Variants in GNL2 observed in about 807,000 individuals in gnomAD.
GNL2 encodes the protein nucleolar GTP-binding protein 2.
GNL2 carries 51 observed loss-of-function variants against 92.3 expected under a neutral mutation model. That is an observed-to-expected ratio of 0.55 (90% CI 0.44 to 0.70). The LOEUF is 0.70. Among genes scored for constraint, GNL2 ranks in the 30% least tolerant of loss-of-function variants. The pLI, the probability that GNL2 is intolerant of heterozygous loss-of-function variation, is 0.00. For missense variants in GNL2, 844 were observed against 895.6 expected (o/e 0.94, Z 0.74); for synonymous variants, 283 against 300.6 (o/e 0.94, Z 0.61).
intron 8 of GNL2, among the ~76,000 whole-genome samples, chr1:37,577,105 C>A (rs1224195796): frequency 2.1e-5 from 3 of 145,930 alleles, no homozygotes; most frequent in Admixed American, 2.1e-4. Flanking sequence ...AGACTCCAGT[C>A]TCAAAAAAAA....
intron 5 of GNL2, among the ~76,000 whole-genome samples, chr1:37,584,934 T>C (rs1643828443): frequency 1.3e-5 from 2 of 151,222 alleles, no homozygotes; most frequent in African/African-American, 2.4e-5. Flanking sequence ...ACAAAAAAAT[T>C]AGCCAGACGT....
In GNL2 at chr1:37,592,742, C is replaced by T; in HGVS notation, c.214G>A (p.Ala72Thr). 6.2e-7 allele frequency: 1 copy of T among 1,605,270 alleles called. No individual in the cohort carries two copies. Among genetic ancestry groups the T allele is most frequent in the Non-Finnish European group, 8.5e-7 (1 of 1,171,992 alleles). The change falls in exon 3 of 16, where the codon GCA becomes ACA. Residue 72 changes from alanine to threonine, a missense_variant. Ala to Thr is a moderately conservative substitution (Grantham distance 58). Coordinates refer to ENST00000373062, the MANE Select transcript of GNL2 (RefSeq NM_013285.3). The part of the protein sequence containing the change: ...YQSTVASGTV[A>T]RVEPNIKWFG... ...CATTTAATATTTGGCTCTACTCTTGCCACTGTGCCAGAAGCCACCGTTGAT... is the reference window on the plus strand; with the variant it reads ...CATTTAATATTTGGCTCTACTCTTGTCACTGTGCCAGAAGCCACCGTTGAT...
Position 37,576,547 on chromosome 1 carries a change from C to T in GNL2, c.919G>A (p.Asp307Asn), listed in dbSNP as rs1374888080. The T allele has an allele frequency of 6.2e-7, 1 of 1,613,746 alleles. No individual in the cohort carries two copies. The highest frequency in any genetic ancestry group is 8.5e-7 in the Non-Finnish European group (1 of 1,179,900). The change falls in exon 9 of 16, where the codon GAC (aspartate) becomes AAC (asparagine). Residue 307 changes from aspartate (D) to asparagine (N), a missense_variant. By Grantham distance (23) the Asp-to-Asn change is conservative (BLOSUM62 1). Transcript: ENST00000373062. ...LLRQFGKLHTDKKQISVGFIG... is the reference protein window; with the variant it reads ...LLRQFGKLHTNKKQISVGFIG... ...AACCCAACACTGATCTGTTTCTTGT[C>T]AGTGTGCAACTGTTCAAAGAGAGAA...
At position 37,583,181 on chromosome 1, in the gene GNL2, T is replaced by C. The variant is rs886453718; in HGVS notation, c.637-245A>G. 4.2e-5 allele frequency: 13 copies of C among 310,390 alleles called. No individual in the cohort carries two copies. In the Admixed American group the frequency reaches 5.7e-4, roughly 14 times the overall value. The allele number at this position is 310,390 out of a possible 1,614,324, so 19.2% of individuals were successfully genotyped here. A position where few individuals can be genotyped will look rare whatever the true frequency, so the allele number is the denominator to read the frequency against. ...ACTAGCTTAGATGAAACTCAACTTA[T>C]TTCCTAACTACTATGGATTATTGAA... is the stretch of plus-strand genomic sequence containing the variant. On this transcript the variant is annotated intron_variant, in intron 6 of 15. Coordinates refer to ENST00000373062, the MANE Select transcript of GNL2 (RefSeq NM_013285.3).
At chr1:37,588,701 A>T (rs1323399661) in intron 4 of GNL2, among the ~76,000 whole-genome samples, 2 of 152,210 alleles carry the variant, frequency 1.3e-5, no homozygotes, top group African/African-American at 4.8e-5. Context: ...GCACATATGC[A>T]AAGTTACAGT....
intron 8 of GNL2, 97 bp from the exon 9 acceptor site, chr1:37,576,653 C>T (rs1351909977): frequency 8.3e-7 from 1 of 1,206,420 alleles, no homozygotes; most frequent in Admixed American, 2.2e-5. Context: ...GAATACAGTG[C>T]AAAACTGTTG....
intron 14 of GNL2, 81 bp downstream of exon 14, chr1:37,568,194 T>C: frequency 2.4e-6 from 2 of 827,144 alleles, no homozygotes; most frequent in Non-Finnish European, 4.1e-6. Context: ...ATGACTGAGA[T>C]AATTTGGAGA....
chr1:37,588,451 C>T (rs1420693819), intron 4 of GNL2, among the ~76,000 whole-genome samples: 2 of 152,156 alleles, frequency 1.3e-5, no homozygotes, highest in African/African-American at 4.8e-5. Context: ...CCCTAACCCA[C>T]AACTCAGTTT....
chr1:37,591,858 T>C (rs186985391), intron 3 of GNL2, among the ~76,000 whole-genome samples: 1 of 152,344 alleles, frequency 6.6e-6, no homozygotes, highest in East Asian at 1.9e-4. Context: ...GGTTTCATCT[T>C]ATTCTCATGT....
chr1:37,590,788 G>A lies in GNL2; in HGVS notation c.302C>T (p.Thr101Ile), dbSNP rs1243541898. 6.3e-5 allele frequency: 101 copies of A among 1,602,252 alleles called. No homozygotes were observed. The highest frequency in any genetic ancestry group is 8.6e-5 in the Non-Finnish European group (101 of 1,173,104). The change falls in exon 4 of 16, where the codon ACA (threonine) becomes ATA (isoleucine). Residue 101 changes from threonine to isoleucine, a missense_variant. Physicochemically the swap from Thr to Ile is moderately conservative, Grantham distance 89 (BLOSUM62 -1). Transcript: ENST00000373062. ...AACTTTGTATGGATCCTTCATAACT[G>A]TATCCATTTCCTCTTGAAATTTTTG... Reference protein sequence around the residue: ...SLQKFQEEMDTVMKDPYKVVM... With the variant: ...SLQKFQEEMDIVMKDPYKVVM...
chr1:37,582,816 C>G lies in GNL2; in HGVS notation c.757G>C (p.Val253Leu). ...GGAACAAGGTCACATTTGTTAAGTA[C>G]AAAAATGAGGTGTTTCCAAGGTTTT... ...KEKPWKHLIF[V>L]LNKCDLVPTW... Residue 253 changes from valine (V) to leucine (L), a missense_variant, in exon 7 of 16, where the codon GTA becomes CTA. Coordinates refer to ENST00000373062, the MANE Select transcript of GNL2 (RefSeq NM_013285.3). The G allele has an allele frequency of 6.2e-7, 1 of 1,613,734 alleles. No individual in the cohort carries two copies. The highest frequency in any genetic ancestry group is 8.5e-7 in the Non-Finnish European group (1 of 1,179,850).
At chr1:37,594,435 C>A (rs1353957424) in intron 1 of GNL2, among the ~76,000 whole-genome samples, 1 of 152,216 alleles carries the variant, frequency 6.6e-6, no homozygotes, top group African/African-American at 2.4e-5. Context: ...CACAGCAATT[C>A]TTGCCTTACA....
intron 15 of GNL2, among the ~76,000 whole-genome samples, chr1:37,567,298 G>A (rs984025803): frequency 7.9e-5 from 12 of 152,166 alleles, no homozygotes; most frequent in African/African-American, 2.2e-4. Flanking sequence ...GCTGAGTGCT[G>A]CTAACCACTC....
intron 8 of GNL2, 35 bp from the exon 9 acceptor site, chr1:37,576,591 A>G: frequency 1.2e-6 from 2 of 1,603,696 alleles, no homozygotes; most frequent in Middle Eastern, 1.7e-4. Flanking sequence ...ACATACATGC[A>G]GTCATATATA....
chr1:37,593,765 C>A lies in GNL2; in HGVS notation c.146G>T (p.Arg49Leu). The A allele has an allele frequency of 6.2e-7, 1 of 1,611,388 alleles. No homozygotes were observed. Among genetic ancestry groups the A allele is most frequent in the Non-Finnish European group, 8.5e-7 (1 of 1,177,554 alleles). Residue 49 changes from arginine to leucine, a missense_variant, in exon 2 of 16, where the codon CGC becomes CTC. Physicochemically the swap from Arg to Leu is moderately radical, Grantham distance 102. Coordinates refer to ENST00000373062, the MANE Select transcript of GNL2 (RefSeq NM_013285.3). ...RRLNMYRQKE[R>L]RNSRGKIIKP... is the part of the protein sequence containing the mutation. Reference sequence around the variant, plus strand: ...GATGACAGCACCCAGTGCTCACCTGCGCTCCTTTTGCCTATACATATTCAG... The same window carrying A: ...GATGACAGCACCCAGTGCTCACCTGAGCTCCTTTTGCCTATACATATTCAG...
chr1:37,587,562 C>T (rs905818200), intron 4 of GNL2, 67 bp from the exon 5 acceptor site: 9 of 1,010,934 alleles, frequency 8.9e-6, no homozygotes, highest in African/African-American at 1.6e-5. Flanking sequence ...AAGCTCAACA[C>T]CCACCTAGGA....
At chr1:37,569,395 C>A in intron 12 of GNL2, 93 bp from the exon 13 acceptor site, 1 of 806,472 alleles carries the variant, frequency 1.2e-6, no homozygotes, top group Non-Finnish European at 1.9e-6. Flanking sequence ...CAGTCCTCTT[C>A]TCAGGACTAA....
intron 3 of GNL2, among the ~76,000 whole-genome samples, 163 bp downstream of exon 3, chr1:37,592,549 T>C (rs980997488): frequency 6.6e-6 from 1 of 152,206 alleles, no homozygotes; most frequent in African/African-American, 2.4e-5. Flanking sequence ...ATTTATTAAA[T>C]TGACCACCAC....
At chr1:37,568,179 T>C in intron 14 of GNL2, 96 bp downstream of exon 14, 1 of 741,288 alleles carries the variant, frequency 1.3e-6, no homozygotes, top group Non-Finnish European at 2.4e-6. Context: ...CAAACATTTA[T>C]GTGGATGACT....
Sources: gnomAD v4.1 joint callset for allele counts (sites outside exome capture counted in the v4.1 genomes callset) on GRCh38, gnomAD v4.1.1 for gene constraint, MANE v1.5 for transcripts, NCBI Gene and HGNC (gene_info 2026-07-23, HGNC 2026-07-21) for gene names.